The following STPG2 variants were observed in gnomAD, a reference collection of about 807,000 sequenced individuals.
STPG2 encodes the protein sperm tail PG-rich repeat containing 2.
STPG2 carries 56 observed loss-of-function variants against 54.2 expected under a neutral mutation model. That is an observed-to-expected ratio of 1.03 (90% CI 0.83 to 1.29). The LOEUF is 1.29. Among genes scored for constraint, STPG2 ranks in the 50% most tolerant of loss-of-function variants. STPG2 has a pLI of 0.00. For missense variants in STPG2, 596 were observed against 544.9 expected, an observed-to-expected ratio of 1.09 and a Z score of -0.93; for synonymous variants, 200 against 181.8, an observed-to-expected ratio of 1.10 and a Z score of -0.81.
intron 10 of STPG2, among the ~76,000 whole-genome samples, chr4:97,599,971 A>G (rs1733415134): frequency 6.6e-6 from 1 of 152,184 alleles, no homozygotes; most frequent in Non-Finnish European, 1.5e-5. Context: ...ATTATCCTAA[A>G]TGAACTAACA....
intron 9 of STPG2, among the ~76,000 whole-genome samples, chr4:97,782,544 C>A (rs77789989): frequency 6.6e-6 from 1 of 152,176 alleles, no homozygotes; most frequent in East Asian, 1.9e-4. Context: ...CATCAAGCTA[C>A]CAATGACTTT....
intron 8 of STPG2, among the ~76,000 whole-genome samples, chr4:97,893,952 G>C (rs545892146): frequency 4.6e-5 from 7 of 152,020 alleles, no homozygotes; most frequent in Non-Finnish European, 8.8e-5. Context: ...GGTAAAAGTC[G>C]ATGGGGTATG....
chr4:97,538,326 C>T (rs1028991414), intron 4 of STPG2, among the ~76,000 whole-genome samples: 47 of 152,174 alleles, frequency 3.1e-4, no homozygotes, highest in African/African-American at 9.9e-4. Flanking sequence ...TGAGAACAAC[C>T]GATGCAGAGA....
chr4:97,635,824 C>G (rs1002027337), intron 10 of STPG2, among the ~76,000 whole-genome samples: 2 of 151,786 alleles, frequency 1.3e-5, no homozygotes, highest in African/African-American at 4.9e-5. Flanking sequence ...AATACAGGAG[C>G]ACCCAGATTC....
intron 5 of STPG2, among the ~76,000 whole-genome samples, chr4:98,046,571 G>C (rs1334440448): frequency 1.3e-5 from 2 of 152,134 alleles, no homozygotes; most frequent in East Asian, 3.9e-4. Context: ...CAGGAGATTA[G>C]GGTGTGCCAA....
At chr4:97,904,301 C>A (rs909390406) in intron 8 of STPG2, among the ~76,000 whole-genome samples, 2 of 152,164 alleles carry the variant, frequency 1.3e-5, no homozygotes, top group Non-Finnish European at 2.9e-5. Flanking sequence ...CCCTGACCCC[C>A]GAGCAGCCTA....
At chr4:97,726,780 G>A (rs926919485) in intron 9 of STPG2, among the ~76,000 whole-genome samples, 4 of 151,148 alleles carry the variant, frequency 2.6e-5, no homozygotes, top group African/African-American at 4.9e-5. Context: ...GGTACTATGT[G>A]CATATATCAT....
chr4:97,908,082 A>G (rs1434889686), intron 8 of STPG2, among the ~76,000 whole-genome samples: 1 of 151,730 alleles, frequency 6.6e-6, no homozygotes, highest in African/African-American at 2.4e-5. Context: ...TGAACAGGCA[A>G]CCTACAAAAT....
chr4:97,742,773 G>A (rs1296046761), intron 9 of STPG2, among the ~76,000 whole-genome samples: 2 of 151,462 alleles, frequency 1.3e-5, no homozygotes, highest in East Asian at 3.9e-4. Context: ...TACAGATGGA[G>A]ACATGTAGGC....
intron 8 of STPG2, among the ~76,000 whole-genome samples, chr4:97,936,894 C>G (rs1732764483): frequency 6.6e-6 from 1 of 152,090 alleles, no homozygotes; most frequent in Admixed American, 6.6e-5. Flanking sequence ...TATTGGGGTT[C>G]TCTGGATTCC....
chr4:97,650,841 T>C (rs2148953135), intron 10 of STPG2, among the ~76,000 whole-genome samples: 1 of 152,202 alleles, frequency 6.6e-6, no homozygotes, highest in Non-Finnish European at 1.5e-5. Context: ...AGAAGAAACA[T>C]GTTTTCAGGT....
chr4:98,093,819 C>G (rs1311400852), intron 5 of STPG2, among the ~76,000 whole-genome samples: 1 of 152,164 alleles, frequency 6.6e-6, no homozygotes, highest in African/African-American at 2.4e-5. Flanking sequence ...TAAAGCCATG[C>G]TGAGCTCAGC....
chr4:97,959,159 AG>A (rs1427687170), intron 7 of STPG2, among the ~76,000 whole-genome samples: 1 of 152,146 alleles, frequency 6.6e-6, no homozygotes, highest in African/African-American at 2.4e-5. Flanking sequence ...GGAAATTAAA[AG>A]ATTACTCAAA....
chr4:97,881,746 A>G (rs1326612881), intron 8 of STPG2, among the ~76,000 whole-genome samples: 11 of 152,112 alleles, frequency 7.2e-5, no homozygotes, highest in African/African-American at 2.7e-4. Context: ...TACTTTTCCC[A>G]TTTCTCTAGT....
intron 9 of STPG2, among the ~76,000 whole-genome samples, chr4:97,789,335 G>A (rs1726922072): frequency 2.0e-5 from 3 of 151,900 alleles, no homozygotes; most frequent in Non-Finnish European, 4.4e-5. Flanking sequence ...AAAATATAAT[G>A]AAGGAGAAAT....
intron 10 of STPG2, among the ~76,000 whole-genome samples, chr4:97,648,933 C>G (rs2148951654): frequency 6.6e-6 from 1 of 152,204 alleles, no homozygotes; most frequent in East Asian, 1.9e-4. Context: ...TCTGGTTTTC[C>G]TTTCCATCCT....
At chr4:97,975,724 T>C (rs1366029842) in intron 6 of STPG2, among the ~76,000 whole-genome samples, 3 of 152,198 alleles carry the variant, frequency 2.0e-5, no homozygotes, top group African/African-American at 4.8e-5. Flanking sequence ...TAAATAGATA[T>C]GAAACTTCAC....
intron 9 of STPG2, among the ~76,000 whole-genome samples, chr4:97,742,599 A>C (rs1725295016): frequency 6.7e-6 from 1 of 149,274 alleles, no homozygotes; most frequent in Non-Finnish European, 1.5e-5. Flanking sequence ...CAGGTCTTTA[A>C]AAAGATCTTA....
intron 4 of STPG2, among the ~76,000 whole-genome samples, chr4:97,510,055 C>G (rs1032478822): frequency 3.9e-5 from 6 of 151,956 alleles, no homozygotes; most frequent in African/African-American, 1.4e-4. Flanking sequence ...GTTTCTAGAG[C>G]CGGTATCCCC....
Sources: gnomAD v4.1 joint callset for allele counts (sites outside exome capture counted in the v4.1 genomes callset) on GRCh38, gnomAD v4.1.1 for gene constraint, MANE v1.5 for transcripts, NCBI Gene and HGNC (gene_info 2026-07-23, HGNC 2026-07-21) for gene names.